ROBO1: variants seen among roughly 807,000 people sequenced by gnomAD.
ROBO1 encodes roundabout homolog 1.
Under a neutral mutation model 195.9 loss-of-function variants are expected in ROBO1, and 149 were observed. The observed-to-expected ratio is 0.76, with a 90% CI of 0.67 to 0.87. The LOEUF (loss-of-function observed/expected upper bound fraction) is 0.87, where lower values mean the gene tolerates loss of function less well. ROBO1 is among the 40% of genes least tolerant of loss of function. ROBO1 has a pLI of 0.00. For missense variants in ROBO1, 1,933 were observed against 2,068.3 expected, an observed-to-expected ratio of 0.93 and a Z score of 1.27; for synonymous variants, 816 against 733.2, an observed-to-expected ratio of 1.11 and a Z score of -1.82.
At chr3:79,218,550 T>A (rs941377558) in intron 2 of ROBO1, among the ~76,000 whole-genome samples, 1 of 152,006 alleles carries the variant, frequency 6.6e-6, no homozygotes, top group African/African-American at 2.4e-5. Context: ...TTATAGTATA[T>A]AATTAAATAT....
At chr3:79,300,636 A>G (rs917174136) in intron 2 of ROBO1, among the ~76,000 whole-genome samples, 2 of 152,138 alleles carry the variant, frequency 1.3e-5, no homozygotes, top group East Asian at 3.9e-4. Context: ...AGGCAGCTCC[A>G]CCTGCAGCCG....
At chr3:79,315,654 G>C (rs1464243357) in intron 2 of ROBO1, among the ~76,000 whole-genome samples, 1 of 152,158 alleles carries the variant, frequency 6.6e-6, no homozygotes, top group African/African-American at 2.4e-5. Context: ...TACAGGGAGA[G>C]CAGTTAACGG....
chr3:78,816,374 T>A (rs896870327), intron 4 of ROBO1, among the ~76,000 whole-genome samples: 1 of 146,768 alleles, frequency 6.8e-6, no homozygotes, highest in African/African-American at 2.5e-5. Flanking sequence ...CTGAGAACTC[T>A]GATGGAGAAG....
At chr3:79,431,243 C>T (rs2038664176) in intron 2 of ROBO1, among the ~76,000 whole-genome samples, 1 of 152,090 alleles carries the variant, frequency 6.6e-6, no homozygotes, top group African/African-American at 2.4e-5. Flanking sequence ...TGTCTTCATG[C>T]TGTTTCCCAA....
rs776891249 is a variant in ROBO1, at chr3:78,614,818, A to AG, written c.4283-19_4283-18insC. 1.4e-4 allele frequency: 226 copies of AG among 1,570,774 alleles called. No homozygotes were observed. The highest frequency in any genetic ancestry group is 3.4e-4 in the Middle Eastern group (2 of 5,894). On this transcript the variant is annotated intron_variant, in intron 27 of 30. Coordinates refer to ENST00000464233, the MANE Select transcript of ROBO1 (RefSeq NM_002941.4). ...TCGACGGCCTAAGGAGAAAAAAAAA[A>AG]AAAATCCAAGCCAAACTCATCAGTG...
intron 4 of ROBO1, among the ~76,000 whole-genome samples, chr3:78,759,582 T>A (rs1237996212): frequency 6.6e-6 from 1 of 152,170 alleles, no homozygotes; most frequent in Non-Finnish European, 1.5e-5. Context: ...TAAATAGCTG[T>A]TTTTTCAGTT....
intron 22 of ROBO1, among the ~76,000 whole-genome samples, chr3:78,638,808 A>C (rs1705723968): frequency 6.6e-6 from 1 of 152,094 alleles, no homozygotes; most frequent in African/African-American, 2.4e-5. Context: ...CAGGAGGTGG[A>C]GGTTGCAGTG....
At chr3:79,610,532 A>G (rs566859539) in intron 1 of ROBO1, among the ~76,000 whole-genome samples, 61 of 152,138 alleles carry the variant, frequency 4.0e-4, no homozygotes, top group African/African-American at 1.4e-3. Flanking sequence ...ACCTTGTTGA[A>G]TTACCTGGAA....
At chr3:79,250,736 C>A (rs766689876) in intron 2 of ROBO1, among the ~76,000 whole-genome samples, 10 of 151,656 alleles carry the variant, frequency 6.6e-5, no homozygotes, top group Admixed American at 3.9e-4. Context: ...ATATATAAAC[C>A]CTATGGAATA....
At chr3:78,775,603 T>A (rs573319103) in intron 4 of ROBO1, among the ~76,000 whole-genome samples, 7 of 152,336 alleles carry the variant, frequency 4.6e-5, no homozygotes, top group African/African-American at 1.7e-4. Context: ...TCTTTAAATA[T>A]GTGCAAAGAT....
At chr3:78,676,546 G>A (rs1436570463) in intron 10 of ROBO1, among the ~76,000 whole-genome samples, 5 of 152,118 alleles carry the variant, frequency 3.3e-5, no homozygotes, top group Non-Finnish European at 7.4e-5. Context: ...CTCAGGAGCC[G>A]ATGCGATCAA....
intron 2 of ROBO1, among the ~76,000 whole-genome samples, chr3:79,566,104 A>G (rs1943081850): frequency 6.6e-6 from 1 of 152,102 alleles, no homozygotes; most frequent in Non-Finnish European, 1.5e-5. Flanking sequence ...CCTACAGAGC[A>G]CTATTTGGCT....
chr3:79,068,750 G>T lies in ROBO1; in HGVS notation c.172+56706C>A, dbSNP rs575084828. On this transcript the variant is annotated intron_variant, in intron 3 of 30. Transcript: ENST00000464233. Reference sequence around the variant, plus strand: ...TAGTCCCCACTTAAAAAAAATCATCGCCTTATCAGCCCTTTAAAATTTTCC... The same window carrying T: ...TAGTCCCCACTTAAAAAAAATCATCTCCTTATCAGCCCTTTAAAATTTTCC... Among the ~76,000 whole-genome samples, 6 of 151,418 alleles carry T rather than the reference G, an allele frequency of 4.0e-5. No homozygotes were observed. In the South Asian group the frequency reaches 1.3e-3, roughly 32 times the overall value.
In ROBO1 at chr3:79,402,317, G is replaced by T. The variant is rs73848874; in HGVS notation, c.88+187507C>A. Among the ~76,000 whole-genome samples the T allele has an allele frequency of 6.9e-3, 1,042 of 151,912 alleles. 11 individuals are homozygous for T. Among genetic ancestry groups the T allele is most frequent in the African/African-American group, 0.024 (991 of 41,478 alleles). On this transcript the variant is annotated intron_variant, in intron 2 of 30. Coordinates refer to ENST00000464233, the MANE Select transcript of ROBO1 (RefSeq NM_002941.4). ...ACACTTATTATTACAGACAATAATAGATACATATCATCATTCTTTCATTGC... is the reference window on the plus strand; with the variant it reads ...ACACTTATTATTACAGACAATAATATATACATATCATCATTCTTTCATTGC...
At chr3:78,845,466 T>C (rs1438687064) in intron 4 of ROBO1, among the ~76,000 whole-genome samples, 1 of 152,160 alleles carries the variant, frequency 6.6e-6, no homozygotes, top group Non-Finnish European at 1.5e-5. Flanking sequence ...ATTTCTCTTG[T>C]ATTTTATATG....
intron 3 of ROBO1, among the ~76,000 whole-genome samples, chr3:78,991,441 G>A (rs774919209): frequency 1.3e-5 from 2 of 152,192 alleles, no homozygotes; most frequent in East Asian, 1.9e-4. Context: ...TTGAAGGTCT[G>A]TATAAGGACA....
intron 23 of ROBO1, among the ~76,000 whole-genome samples, chr3:78,634,263 A>G (rs1705356803): frequency 6.6e-6 from 1 of 151,842 alleles, no homozygotes. Context: ...TAATATCAAT[A>G]TGATTTTAAT....
At chr3:78,778,312 G>A (rs1459550265) in intron 4 of ROBO1, among the ~76,000 whole-genome samples, 2 of 151,926 alleles carry the variant, frequency 1.3e-5, no homozygotes, top group African/African-American at 4.8e-5. Flanking sequence ...TGTTGTGTCT[G>A]TGCCAGGGTT....
intron 2 of ROBO1, among the ~76,000 whole-genome samples, chr3:79,359,050 G>C (rs1446128193): frequency 6.6e-6 from 1 of 151,934 alleles, no homozygotes; most frequent in East Asian, 1.9e-4. Flanking sequence ...GTCATATCAT[G>C]TCCTCTGTGC....
Sources: allele counts gnomAD v4.1 joint callset (sites outside exome capture counted in the v4.1 genomes callset), GRCh38; gene constraint gnomAD v4.1.1; transcripts MANE v1.5; gene names NCBI Gene and HGNC (gene_info 2026-07-23, HGNC 2026-07-21).